NFASC: variants seen among roughly 807,000 people sequenced by gnomAD.
NFASC encodes neurofascin.
NFASC carries 43 observed loss-of-function variants against 147.5 expected under a neutral mutation model. The ratio of observed to expected loss-of-function variants is 0.29; its 90% CI spans 0.23 to 0.38. NFASC has a LOEUF of 0.38. Among genes scored for constraint, NFASC ranks in the 10% least tolerant of loss-of-function variants. NFASC has a pLI of 1.00. For synonymous variants in NFASC, 622 were observed against 665.5 expected (o/e 0.93, Z 1.01); for missense variants, 1,320 against 1,689.0 (o/e 0.78, Z 3.83).
At position 204,861,224 on chromosome 1, in the gene NFASC, G is replaced by A. The variant is rs2802805; in HGVS notation, c.-200+32442G>A. The stretch of plus-strand genomic sequence containing the variant: ...CCACCTCAACCTCCTGAGTAACTGG[G>A]ACTACAGGCATGCACCACCACACCC... On this transcript the variant is annotated intron_variant, in intron 1 of 29. Coordinates refer to ENST00000339876, the MANE Select transcript of NFASC (RefSeq NM_001005388.3). 2.5e-3 allele frequency among the ~76,000 whole-genome samples: 384 copies of A among 151,534 alleles called. 4 individuals are homozygous for A. The highest frequency in any genetic ancestry group is 9.0e-3 in the African/African-American group (371 of 41,316).
chr1:204,831,554 G>A (rs1672238409), intron 1 of NFASC, among the ~76,000 whole-genome samples: 2 of 151,964 alleles, frequency 1.3e-5, no homozygotes, highest in Admixed American at 6.6e-5. Context: ...TTCTCCCTCA[G>A]GCTTTTTTGG....
Position 204,970,482 on chromosome 1 carries a change from G to A in NFASC, c.1004-134G>A, listed in dbSNP as rs1247132964. The stretch of plus-strand genomic sequence containing the variant: ...TGGACCAAGTTATCCCTGTGAGGAT[G>A]AGCCCTGGGGCAGGTGGTGAGCACG... On this transcript the variant is annotated intron_variant, in intron 10 of 29. Transcript: ENST00000339876. 4 of 953,422 alleles carry A rather than the reference G, an allele frequency of 4.2e-6. No individual in the cohort carries two copies. The East Asian group carries it at 9.9e-5, about 24-fold the overall frequency. 59.1% of individuals were successfully genotyped at this position (953,422 alleles called of 1,614,324 possible).
chr1:204,874,997 G>T (rs1457864190), intron 1 of NFASC, among the ~76,000 whole-genome samples: 1 of 152,074 alleles, frequency 6.6e-6, no homozygotes, highest in East Asian at 1.9e-4. Flanking sequence ...TTTATAGATG[G>T]GGAAACACGT....
chr1:204,993,800 G>T (rs754760138), intron 24 of NFASC: 2 of 517,550 alleles, frequency 3.9e-6, no homozygotes, highest in Admixed American at 3.9e-5. Context: ...TGCTCTGTTG[G>T]TAAGCCCTAC....
rs889782850 is a variant in NFASC at position 204,901,122 on chromosome 1, G to A, written c.-199-19510G>A. 3.7e-4 allele frequency among the ~76,000 whole-genome samples: 56 copies of A among 152,154 alleles called. 1 individual carries two copies. The highest frequency in any genetic ancestry group is 3.3e-3 in the Admixed American group (51 of 15,288). Reference sequence around the variant, plus strand: ...TGTGTGTGGTGGGGCAGGGAAGTGCGGGGAGGAGCTGTGTTTTAGTTAGCA... The same window carrying A: ...TGTGTGTGGTGGGGCAGGGAAGTGCAGGGAGGAGCTGTGTTTTAGTTAGCA... On this transcript the variant is annotated intron_variant, in intron 1 of 29. Coordinates refer to ENST00000339876, the MANE Select transcript of NFASC (RefSeq NM_001005388.3).
At chr1:205,005,307 C>G (rs893097414) in intron 27 of NFASC, among the ~76,000 whole-genome samples, 1 of 152,218 alleles carries the variant, frequency 6.6e-6, no homozygotes, top group African/African-American at 2.4e-5. Flanking sequence ...CCTTTCTTCC[C>G]TGGCCAAACC....
At chr1:204,877,077 T>C (rs6661369) in intron 1 of NFASC, among the ~76,000 whole-genome samples, 1 of 105,182 alleles carries the variant, frequency 9.5e-6, no homozygotes, top group Non-Finnish European at 1.7e-5. Context: ...TTTATATATA[T>C]ATAATATATT....
intron 1 of NFASC, among the ~76,000 whole-genome samples, chr1:204,901,107 G>A (rs1282624329): frequency 6.6e-6 from 1 of 152,184 alleles, no homozygotes; most frequent in Non-Finnish European, 1.5e-5. Flanking sequence ...TGTGTGTGGT[G>A]GGGCAGGGAA....
intron 2 of NFASC, among the ~76,000 whole-genome samples, chr1:204,940,402 G>A (rs1304098980): frequency 2.0e-5 from 3 of 152,136 alleles, no homozygotes; most frequent in Non-Finnish European, 2.9e-5. Context: ...GCAGTGAGCC[G>A]AGATCATGCC....
At chr1:204,895,852 T>A (rs1046162150) in intron 1 of NFASC, among the ~76,000 whole-genome samples, 2 of 152,158 alleles carry the variant, frequency 1.3e-5, no homozygotes, top group African/African-American at 4.8e-5. Flanking sequence ...ACCCCCTTTA[T>A]GTAAGTGACT....
chr1:204,854,182 C>T (rs975293873), intron 1 of NFASC, among the ~76,000 whole-genome samples: 7 of 151,026 alleles, frequency 4.6e-5, no homozygotes, highest in African/African-American at 1.7e-4. Flanking sequence ...TTGCTCTGTT[C>T]CTTGGGTAGT....
At chr1:204,934,695 A>G (rs2449485) in intron 2 of NFASC, among the ~76,000 whole-genome samples, 120,437 of 152,160 alleles carry the variant, frequency 0.79, 48,336 homozygotes, top group Non-Finnish European at 0.83. Context: ...AGAGGTCTCA[A>G]CAGAAGTCTT....
intron 1 of NFASC, among the ~76,000 whole-genome samples, chr1:204,842,292 C>T (rs913257098): frequency 6.6e-6 from 1 of 152,158 alleles, no homozygotes; most frequent in Non-Finnish European, 1.5e-5. Flanking sequence ...TCCTGAAATT[C>T]TTCAGGGCCA....
chr1:204,949,739 C>T (rs562216978), intron 3 of NFASC, among the ~76,000 whole-genome samples: 88 of 152,306 alleles, frequency 5.8e-4, no homozygotes, highest in African/African-American at 2.1e-3. Flanking sequence ...TGCATTTTAA[C>T]CAGCCCCCAG....
intron 4 of NFASC, among the ~76,000 whole-genome samples, chr1:204,951,686 G>T (rs965434196): frequency 6.6e-6 from 1 of 151,334 alleles, no homozygotes; most frequent in Non-Finnish European, 1.5e-5. Flanking sequence ...AGCCAGGATG[G>T]TCTCGATCTC....
At chr1:204,950,496 T>A (rs1008928733) in intron 3 of NFASC, 61 bp from the exon 4 acceptor site, 2 of 1,530,542 alleles carry the variant, frequency 1.3e-6, no homozygotes, top group Non-Finnish European at 1.8e-6. Flanking sequence ...CCTGGGCGGT[T>A]GTGTGCATAA....
chr1:204,854,033 A>G (rs4951140), intron 1 of NFASC, among the ~76,000 whole-genome samples: 32,105 of 152,040 alleles, frequency 0.21, 5,563 homozygotes, highest in East Asian at 0.73. Context: ...AGCCATTAGC[A>G]TAATCTCATA....
At chr1:204,879,808 A>G (rs186250540) in intron 1 of NFASC, among the ~76,000 whole-genome samples, 25 of 152,346 alleles carry the variant, frequency 1.6e-4, no homozygotes, top group Non-Finnish European at 2.8e-4. Context: ...ATTTAAAAGA[A>G]GATTTAGCAT....
At chr1:204,950,380 G>C (rs949094767) in intron 3 of NFASC, among the ~76,000 whole-genome samples, 177 bp from the exon 4 acceptor site, 1 of 152,194 alleles carries the variant, frequency 6.6e-6, no homozygotes, top group Non-Finnish European at 1.5e-5. Flanking sequence ...CCCCAACCCT[G>C]CTTGGTTCTT....
Sources: allele counts gnomAD v4.1 joint callset (sites outside exome capture counted in the v4.1 genomes callset), GRCh38; gene constraint gnomAD v4.1.1; transcripts MANE v1.5; gene names NCBI Gene and HGNC (gene_info 2026-07-23, HGNC 2026-07-21).